NRG3: variants seen among roughly 807,000 people sequenced by gnomAD.
The protein encoded by NRG3 is neuregulin 3.
A neutral mutation model predicts 66.9 loss-of-function variants in NRG3; 31 were observed. The observed-to-expected ratio is 0.46, with a 90% CI of 0.35 to 0.63. NRG3 has a LOEUF of 0.63. Ranked by LOEUF, NRG3 falls within the 20% of genes least tolerant of loss-of-function variation. The pLI is 0.00. For synonymous variants in NRG3, 393 were observed against 359.4 expected (o/e 1.09, Z -1.06); for missense variants, 910 against 878.9 (o/e 1.04, Z -0.45).
intron 4 of NRG3, among the ~76,000 whole-genome samples, chr10:82,879,986 G>A (rs927727951): frequency 2.0e-5 from 2 of 102,552 alleles, no homozygotes; most frequent in Non-Finnish European, 3.6e-5. Context: ...TTTTTTGCAT[G>A]AGAATTGAAG....
At chr10:82,628,980 G>C (rs2049619212) in intron 2 of NRG3, among the ~76,000 whole-genome samples, 1 of 152,278 alleles carries the variant, frequency 6.6e-6, no homozygotes, top group Non-Finnish European at 1.5e-5. Context: ...TCTTGCTGCT[G>C]TCTTCCCATA....
chr10:82,386,129 T>A (rs2085970682), intron 2 of NRG3, among the ~76,000 whole-genome samples: 1 of 152,118 alleles, frequency 6.6e-6, no homozygotes, highest in East Asian at 1.9e-4. Context: ...TATTCTACCC[T>A]CTCTGGTCTA....
At chr10:82,150,528 CACAA>C (rs1201747091) in intron 1 of NRG3, among the ~76,000 whole-genome samples, 1,030 of 51,638 alleles carry the variant, frequency 0.02, 8 homozygotes, top group African/African-American at 0.068. Context: ...AAAGAGCACA[CACAA>C]AAAAAAAAAA....
chr10:82,018,337 G>T (rs1382058085), intron 1 of NRG3, among the ~76,000 whole-genome samples: 5 of 152,076 alleles, frequency 3.3e-5, no homozygotes. Flanking sequence ...GGTTACTATA[G>T]CCTTGTAGTA....
chr10:82,163,427 A>G (rs1455950084), intron 1 of NRG3, among the ~76,000 whole-genome samples: 1 of 152,192 alleles, frequency 6.6e-6, no homozygotes, highest in Non-Finnish European at 1.5e-5. Flanking sequence ...AAAGAAGGAG[A>G]TAAAAATCAG....
chr10:82,669,657 G>A (rs1395928318), intron 2 of NRG3, among the ~76,000 whole-genome samples: 3 of 152,116 alleles, frequency 2.0e-5, no homozygotes, highest in African/African-American at 7.2e-5. Context: ...TGCCGGGCGC[G>A]GTGGCTCTCG....
intron 2 of NRG3, among the ~76,000 whole-genome samples, chr10:82,538,639 C>T (rs918356234): frequency 2.0e-5 from 3 of 151,940 alleles, no homozygotes; most frequent in Admixed American, 6.6e-5. Flanking sequence ...GCCAAGCAGA[C>T]ACTCTGAAAA....
chr10:82,771,783 C>A (rs2059720352), intron 3 of NRG3, among the ~76,000 whole-genome samples: 1 of 152,052 alleles, frequency 6.6e-6, no homozygotes, highest in Admixed American at 6.6e-5. Flanking sequence ...GCACTTCAAG[C>A]AAACAAACAA....
rs141129168 is a variant in NRG3 at position 82,549,305 on chromosome 10, C to A, written c.954-189272C>A. Among the ~76,000 whole-genome samples, 585 of 152,290 alleles carry A rather than the reference C, an allele frequency of 3.8e-3. 3 individuals carry two copies. The highest frequency in any genetic ancestry group is 0.011 in the Admixed American group (164 of 15,302). On this transcript the variant is annotated intron_variant, in intron 2 of 8. Transcript: ENST00000372141. The stretch of plus-strand genomic sequence containing the variant: ...CAGGTTAACCACAAGAAATTTATGA[C>A]TGAATTCAATGTGCATCATAAAATA...
intron 2 of NRG3, among the ~76,000 whole-genome samples, chr10:82,727,817 A>C (rs140033222): frequency 0.01 from 1,537 of 152,270 alleles, 24 homozygotes; most frequent in African/African-American, 0.035. Flanking sequence ...CCAAGAAAAC[A>C]GCTGGGAGGG....
At chr10:82,378,969 G>T (rs1250181990) in intron 2 of NRG3, among the ~76,000 whole-genome samples, 1 of 152,128 alleles carries the variant, frequency 6.6e-6, no homozygotes. Flanking sequence ...AGCACTAGAA[G>T]ATCTGAGTAG....
At chr10:82,709,973 T>G (rs2056558022) in intron 2 of NRG3, among the ~76,000 whole-genome samples, 1 of 152,218 alleles carries the variant, frequency 6.6e-6, no homozygotes, top group Non-Finnish European at 1.5e-5. Flanking sequence ...GCTGAAGAAT[T>G]GTGCATCTTG....
chr10:82,258,520 A>T (rs2077854719), intron 1 of NRG3, among the ~76,000 whole-genome samples: 2 of 152,214 alleles, frequency 1.3e-5, no homozygotes, highest in Admixed American at 6.5e-5. Context: ...CATGACACAG[A>T]CTAAATAACA....
intron 1 of NRG3, among the ~76,000 whole-genome samples, chr10:82,188,917 A>T (rs1386554062): frequency 2.6e-5 from 4 of 152,184 alleles, no homozygotes; most frequent in Non-Finnish European, 4.4e-5. Flanking sequence ...AAATTTTAAA[A>T]TAACTGAAAA....
At chr10:82,909,107 T>A (rs1203453461) in intron 4 of NRG3, among the ~76,000 whole-genome samples, 2 of 152,200 alleles carry the variant, frequency 1.3e-5, no homozygotes, top group Non-Finnish European at 2.9e-5. Flanking sequence ...AAAGACTTAA[T>A]TTCACTTTTG....
chr10:81,901,245 C>A (rs1268219165), intron 1 of NRG3, among the ~76,000 whole-genome samples: 10 of 152,196 alleles, frequency 6.6e-5, no homozygotes, highest in Admixed American at 6.5e-4. Context: ...CTGTCATCTC[C>A]ACTACCTGAG....
intron 2 of NRG3, among the ~76,000 whole-genome samples, chr10:82,535,596 A>T (rs1847734375): frequency 6.6e-6 from 1 of 152,172 alleles, no homozygotes; most frequent in African/African-American, 2.4e-5. Flanking sequence ...GAAAGAAATG[A>T]TAAAGGGCTG....
intron 1 of NRG3, among the ~76,000 whole-genome samples, chr10:82,248,161 T>C (rs1044361498): frequency 2.6e-5 from 4 of 152,180 alleles, no homozygotes; most frequent in African/African-American, 9.6e-5. Context: ...CAGCAGGGAA[T>C]TCCTTTTATT....
At chr10:82,415,449 A>T (rs2088480129) in intron 2 of NRG3, among the ~76,000 whole-genome samples, 1 of 152,218 alleles carries the variant, frequency 6.6e-6, no homozygotes, top group South Asian at 2.1e-4. Flanking sequence ...AAAGAGAAGG[A>T]AAAATACACA....
Sources: gnomAD v4.1 joint callset for allele counts (sites outside exome capture counted in the v4.1 genomes callset) on GRCh38, gnomAD v4.1.1 for gene constraint, MANE v1.5 for transcripts, NCBI Gene and HGNC (gene_info 2026-07-23, HGNC 2026-07-21) for gene names.